Variants in FARS2 observed in about 807,000 individuals in gnomAD.
FARS2 encodes phenylalanine--tRNA ligase, mitochondrial.
Under a neutral mutation model 46.4 loss-of-function variants are expected in FARS2, and 40 were observed. The ratio of observed to expected loss-of-function variants is 0.86; its 90% confidence interval spans 0.67 to 1.12. FARS2 has a LOEUF of 1.12. Ranked by LOEUF, FARS2 falls within the 50% of genes most tolerant of loss-of-function variation. The pLI, the probability that FARS2 is intolerant of heterozygous loss-of-function variation, is 0.00. For synonymous variants in FARS2, 234 were observed against 214.9 expected (o/e 1.09, Z -0.78); for missense variants, 513 against 567.9 (o/e 0.90, Z 0.98).
At position 5,444,065 on chromosome 6, in the gene FARS2, A is replaced by G. The variant is rs964264561; in HGVS notation, c.904+12893A>G. On this transcript the variant is annotated intron_variant, in intron 4 of 6. Transcript: ENST00000274680. ...ATGTCCTCTACATGGGAGGTTTTTG[A>G]AAAGCCACTGATATATGGAAGATCC... Among the ~76,000 whole-genome samples, 6 of 151,290 alleles carry G rather than the reference A, an allele frequency of 4.0e-5. 2 individuals are homozygous for G. The highest frequency in any genetic ancestry group is 1.5e-4 in the African/African-American group (6 of 41,040).
chr6:5,356,432 C>G (rs1210440365), intron 1 of FARS2, among the ~76,000 whole-genome samples: 3 of 152,092 alleles, frequency 2.0e-5, no homozygotes, highest in African/African-American at 7.2e-5. Context: ...GCTTGGGTGA[C>G]AGAGCGAGAC....
intron 2 of FARS2, among the ~76,000 whole-genome samples, chr6:5,385,804 A>G (rs1036838214): frequency 2.0e-5 from 3 of 152,142 alleles, no homozygotes; most frequent in Non-Finnish European, 4.4e-5. Flanking sequence ...CCAAGGATTA[A>G]TAAGCAGTAG....
intron 1 of FARS2, among the ~76,000 whole-genome samples, chr6:5,264,233 T>G (rs765253604): frequency 1.3e-5 from 2 of 151,916 alleles, no homozygotes; most frequent in Non-Finnish European, 2.9e-5. Context: ...GGCAACAGAG[T>G]GAGACCCTGT....
chr6:5,412,093 ATGTCT>A (rs1761969092), intron 3 of FARS2, among the ~76,000 whole-genome samples: 1 of 152,176 alleles, frequency 6.6e-6, no homozygotes, highest in Admixed American at 6.5e-5. Flanking sequence ...TGGGGGAGTC[ATGTCT>A]TGTCTTTGCT....
chr6:5,529,787 G>A (rs2150450984), intron 4 of FARS2, among the ~76,000 whole-genome samples: 1 of 152,288 alleles, frequency 6.6e-6, no homozygotes, highest in East Asian at 1.9e-4. Context: ...CATCAGGGGA[G>A]TAGCAAACAT....
chr6:5,506,497 G>T (rs530316449), intron 4 of FARS2, among the ~76,000 whole-genome samples: 17 of 152,296 alleles, frequency 1.1e-4, no homozygotes, highest in Middle Eastern at 3.4e-3. Context: ...CCACCGAATT[G>T]TCTTCTGTTT....
intron 6 of FARS2, among the ~76,000 whole-genome samples, chr6:5,706,122 C>T (rs546483175): frequency 2.0e-5 from 3 of 152,170 alleles, no homozygotes; most frequent in African/African-American, 4.8e-5. Flanking sequence ...ATCAGATTCT[C>T]ATAAGGAGCA....
At chr6:5,414,811 GTTTTTTTTT>G (rs35210878) in intron 3 of FARS2, among the ~76,000 whole-genome samples, 7 of 86,680 alleles carry the variant, frequency 8.1e-5, no homozygotes, top group Non-Finnish European at 1.1e-4. Flanking sequence ...GTATATGACT[GTTTTTTTTT>G]TTTTTTTTTT....
At chr6:5,250,791 C>T in the FARS2 span, among the ~76,000 whole-genome samples, 3 of 152,266 alleles carry the variant, frequency 2.0e-5, no homozygotes, top group South Asian at 4.1e-4. Flanking sequence ...TTAATTTTCC[C>T]TTCCTTTACT....
chr6:5,685,550 C>T (rs1334331042), intron 6 of FARS2, among the ~76,000 whole-genome samples: 2 of 152,206 alleles, frequency 1.3e-5, no homozygotes, highest in Non-Finnish European at 2.9e-5. Flanking sequence ...AGGACCTGGC[C>T]TACTCTGCTG....
At chr6:5,606,725 C>A (rs1414892545) in intron 5 of FARS2, among the ~76,000 whole-genome samples, 1 of 152,092 alleles carries the variant, frequency 6.6e-6, no homozygotes, top group Non-Finnish European at 1.5e-5. Context: ...TCTTCTAGTC[C>A]CCCAGTTCAA....
intron 5 of FARS2, chr6:5,609,209 C>A (rs576781993): frequency 1.2e-5 from 14 of 1,191,242 alleles, no homozygotes; most frequent in Non-Finnish European, 1.7e-5. Flanking sequence ...TCCTCTCCGG[C>A]TAAGCTTTGT....
intron 6 of FARS2, among the ~76,000 whole-genome samples, chr6:5,769,612 G>A (rs1480362457): frequency 6.6e-6 from 1 of 152,212 alleles, no homozygotes; most frequent in Non-Finnish European, 1.5e-5. Context: ...GCCTGAGCTG[G>A]ACTGAAAAAG....
intron 4 of FARS2, among the ~76,000 whole-genome samples, chr6:5,472,909 C>T (rs1013135566): frequency 1.3e-5 from 2 of 152,122 alleles, no homozygotes; most frequent in African/African-American, 4.8e-5. Context: ...ACAGAGAGCA[C>T]ACATTCAGTA....
intron 6 of FARS2, among the ~76,000 whole-genome samples, chr6:5,641,558 A>G (rs1776821660): frequency 6.6e-6 from 1 of 152,164 alleles, no homozygotes; most frequent in African/African-American, 2.4e-5. Context: ...CGCCTTCACA[A>G]AGTGCTAGGA....
rs1427550012 is a variant in FARS2, at chr6:5,261,581, T to A, written c.-101T>A. ...TATCTCTGAAGTTGGGGTTTAAGAT[T>A]CTTGCCCGTGAGAGCGAACGAGCCT... On this transcript the variant is annotated 5_prime_UTR_variant, in exon 1 of 7. Coordinates refer to ENST00000274680, the MANE Select transcript of FARS2 (RefSeq NM_006567.5). 6.6e-6 allele frequency: 1 copy of A among 152,244 alleles called. No homozygotes were observed. Among genetic ancestry groups the A allele is most frequent in the African/African-American group, 2.4e-5 (1 of 41,316 alleles). 9.4% of individuals were successfully genotyped at this position (152,244 alleles called of 1,614,324 possible).
rs111939890 is a variant in FARS2, at chr6:5,711,692, A to C, written c.1218-59599A>C. On this transcript the variant is annotated intron_variant, in intron 6 of 6. Coordinates refer to ENST00000274680, the MANE Select transcript of FARS2 (RefSeq NM_006567.5). ...GGGCCATTATGCAACATTCCTGACC[A>C]ATGCTCCTCAAAATAGTCAATGCCA... 2.4e-3 allele frequency among the ~76,000 whole-genome samples: 372 copies of C among 152,364 alleles called. 1 individual carries two copies. Among genetic ancestry groups the C allele is most frequent in the Non-Finnish European group, 3.5e-3 (236 of 68,046 alleles).
chr6:5,713,690 G>A (rs1759319227), intron 6 of FARS2, among the ~76,000 whole-genome samples: 3 of 152,232 alleles, frequency 2.0e-5, no homozygotes, highest in Non-Finnish European at 4.4e-5. Flanking sequence ...GGTGCAAAGA[G>A]CACCGCTAAG....
intron 3 of FARS2, among the ~76,000 whole-genome samples, chr6:5,410,785 G>A (rs1761901851): frequency 6.6e-6 from 1 of 152,080 alleles, no homozygotes. Context: ...TAAAAATTAG[G>A]TTTATAATTA....
Sources: allele counts gnomAD v4.1 joint callset (sites outside exome capture counted in the v4.1 genomes callset), GRCh38; gene constraint gnomAD v4.1.1; transcripts MANE v1.5; gene names NCBI Gene and HGNC (gene_info 2026-07-23, HGNC 2026-07-21).